AFAP1: variants seen among roughly 807,000 people sequenced by gnomAD.
The protein encoded by AFAP1 is actin filament-associated protein 1.
In AFAP1, 75 loss-of-function variants were observed where a neutral mutation model predicts 93.9. That is an observed-to-expected ratio of 0.80 (90% CI 0.66 to 0.97). The LOEUF is 0.97. AFAP1 is among the 50% of genes least tolerant of loss of function. The pLI is 0.00. For synonymous variants in AFAP1, 517 were observed against 430.7 expected, an observed-to-expected ratio of 1.20 and a Z score of -2.48; for missense variants, 1,201 against 1,050.8, an observed-to-expected ratio of 1.14 and a Z score of -1.98.
chr4:7,803,000 AC>A (rs1349724454), intron 9 of AFAP1, among the ~76,000 whole-genome samples: 1 of 152,206 alleles, frequency 6.6e-6, no homozygotes, highest in African/African-American at 2.4e-5. Context: ...ATATCTGAGC[AC>A]CCGAGTAACA....
chr4:7,828,551 C>T (rs757678301), intron 6 of AFAP1, among the ~76,000 whole-genome samples: 8 of 152,158 alleles, frequency 5.3e-5, no homozygotes, highest in Admixed American at 1.3e-4. Flanking sequence ...GCTATCCGGC[C>T]TGTTCTCTGC....
chr4:7,911,067 A>T (rs1277239723), intron 1 of AFAP1, among the ~76,000 whole-genome samples: 2 of 152,188 alleles, frequency 1.3e-5, no homozygotes, highest in African/African-American at 4.8e-5. Flanking sequence ...CGGGACACAC[A>T]GCCCATCTGT....
intron 1 of AFAP1, among the ~76,000 whole-genome samples, chr4:7,890,991 T>G (rs1370098727): frequency 2.0e-5 from 3 of 152,020 alleles, no homozygotes; most frequent in Non-Finnish European, 2.9e-5. Flanking sequence ...AGCCCAAAAC[T>G]GAGCACAGCC....
At chr4:7,898,856 A>T (rs1215663272) in intron 1 of AFAP1, among the ~76,000 whole-genome samples, 2 of 119,454 alleles carry the variant, frequency 1.7e-5, no homozygotes, top group Non-Finnish European at 3.6e-5. Flanking sequence ...ATATATATGT[A>T]TGTGTATATA....
intron 4 of AFAP1, among the ~76,000 whole-genome samples, chr4:7,852,543 A>C (rs1359999879): frequency 1.3e-5 from 2 of 152,146 alleles, no homozygotes; most frequent in Non-Finnish European, 2.9e-5. Context: ...CCCTCTGATT[A>C]AAGTTAATGA....
intron 3 of AFAP1, among the ~76,000 whole-genome samples, chr4:7,856,650 G>A (rs937726660): frequency 9.2e-5 from 14 of 152,112 alleles, no homozygotes; most frequent in Non-Finnish European, 1.8e-4. Context: ...GACAACCTAC[G>A]TCCCACCTGG....
intron 1 of AFAP1, among the ~76,000 whole-genome samples, chr4:7,929,861 C>A (rs369008416): frequency 6.6e-6 from 1 of 152,210 alleles, no homozygotes; most frequent in Non-Finnish European, 1.5e-5. Context: ...TCCGGAGGTG[C>A]CGGCTCTGTT....
Position 7,871,998 on chromosome 4 carries a change from T to C in AFAP1, c.81A>G (p.Lys27=), listed in dbSNP as rs765773638. 2 of 1,614,078 alleles carry C rather than the reference T, an allele frequency of 1.2e-6. No individual in the cohort carries two copies. The highest frequency in any genetic ancestry group is 1.7e-6 in the Non-Finnish European group (2 of 1,180,036). ...GCAGAATGTTGGTTATCACTGCCTTTTTCTCCCTGACAGTTGAGGTTAGAT... is the reference window on the plus strand; with the variant it reads ...GCAGAATGTTGGTTATCACTGCCTTCTTCTCCCTGACAGTTGAGGTTAGAT... ...HEYLTSTVRE[K]KAVITNILLR... The change falls in exon 2 of 18, where the codon AAA becomes AAG. Residue 27 remains lysine (K), a synonymous_variant. Coordinates refer to ENST00000420658, the MANE Select transcript of AFAP1 (RefSeq NM_001134647.2).
At chr4:7,787,680 G>A (rs1577207289) in intron 11 of AFAP1, among the ~76,000 whole-genome samples, 1 of 152,208 alleles carries the variant, frequency 6.6e-6, no homozygotes, top group Non-Finnish European at 1.5e-5. Flanking sequence ...GGAGCCTGTG[G>A]TGAGGGAACG....
intron 3 of AFAP1, among the ~76,000 whole-genome samples, chr4:7,857,917 C>T (rs1051468376): frequency 1.3e-5 from 2 of 152,116 alleles, no homozygotes; most frequent in Non-Finnish European, 2.9e-5. Flanking sequence ...ATGTACTTGG[C>T]ACAACCTTTT....
chr4:7,872,381 C>G lies in AFAP1; in HGVS notation c.-2-301G>C, dbSNP rs1717127625. On this transcript the variant is annotated intron_variant, in intron 1 of 17. Transcript: ENST00000420658. ...AAGGCCTGACGTCATCATTTGGTGT[C>G]AATTCCACGATATTAAATTTCAATG... 1.2e-5 allele frequency: 3 copies of G among 250,978 alleles called. No individual in the cohort carries two copies. The Admixed American group carries it at 1.6e-4, about 13-fold the overall frequency. 15.5% of individuals were successfully genotyped at this position (250,978 alleles called of 1,614,324 possible).
intron 6 of AFAP1, among the ~76,000 whole-genome samples, chr4:7,826,048 C>A (rs1259164621): frequency 6.6e-6 from 1 of 152,088 alleles, no homozygotes; most frequent in Non-Finnish European, 1.5e-5. Context: ...AGTGAAGGCT[C>A]CTTTGCAGGA....
At chr4:7,795,330 G>C (rs1718294168) in intron 10 of AFAP1, among the ~76,000 whole-genome samples, 1 of 145,236 alleles carries the variant, frequency 6.9e-6, no homozygotes, top group East Asian at 2.0e-4. Flanking sequence ...GAACTGATTT[G>C]AATACCTGGA....
intron 8 of AFAP1, among the ~76,000 whole-genome samples, chr4:7,810,570 C>T (rs1284269520): frequency 1.3e-5 from 2 of 152,220 alleles, no homozygotes; most frequent in African/African-American, 4.8e-5. Flanking sequence ...TGACTCGGCC[C>T]TATGCAGAGC....
intron 1 of AFAP1, among the ~76,000 whole-genome samples, chr4:7,930,482 C>A (rs1435289841): frequency 6.6e-6 from 1 of 152,180 alleles, no homozygotes; most frequent in Non-Finnish European, 1.5e-5. Flanking sequence ...ACTCTTTAAT[C>A]ATACCTCGGT....
At chr4:7,765,397 C>CCA (rs1472023947) in intron 17 of AFAP1, among the ~76,000 whole-genome samples, 12 of 152,214 alleles carry the variant, frequency 7.9e-5, no homozygotes, top group African/African-American at 2.9e-4. Flanking sequence ...GGCAATGCTC[C>CCA]CATCTTCTGT....
At chr4:7,845,414 T>TATC (rs757537929) in intron 4 of AFAP1, among the ~76,000 whole-genome samples, 1 of 132,360 alleles carries the variant, frequency 7.6e-6, no homozygotes, top group African/African-American at 2.5e-5. Context: ...AGAACAAGAT[T>TATC]ATTATTATTA....
At chr4:7,814,335 A>G (rs1472933098) in intron 8 of AFAP1, among the ~76,000 whole-genome samples, 2 of 152,242 alleles carry the variant, frequency 1.3e-5, no homozygotes, top group African/African-American at 4.8e-5. Flanking sequence ...ACCCCTATTA[A>G]AATGGCTCAA....
At chr4:7,826,551 A>G (rs923862939) in intron 6 of AFAP1, among the ~76,000 whole-genome samples, 6 of 152,262 alleles carry the variant, frequency 3.9e-5, no homozygotes, top group Admixed American at 3.3e-4. Flanking sequence ...GCCAAAAACA[A>G]AAACAAAATC....
Sources: gnomAD v4.1 joint callset for allele counts (sites outside exome capture counted in the v4.1 genomes callset) on GRCh38, gnomAD v4.1.1 for gene constraint, MANE v1.5 for transcripts, NCBI Gene and HGNC (gene_info 2026-07-23, HGNC 2026-07-21) for gene names.